Variants in RXFP2 observed in about 807,000 individuals in gnomAD.
The protein encoded by RXFP2 is relaxin receptor 2.
In RXFP2, 68 loss-of-function variants were observed where a neutral mutation model predicts 88.6. The observed-to-expected ratio is 0.77, with a 90% confidence interval of 0.63 to 0.94. The LOEUF is 0.94. Among genes scored for constraint, RXFP2 ranks in the 40% least tolerant of loss-of-function variants. RXFP2 has a pLI of 0.00. For missense variants in RXFP2, 791 were observed against 893.9 expected, an observed-to-expected ratio of 0.88 and a Z score of 1.47; for synonymous variants, 329 against 306.8, an observed-to-expected ratio of 1.07 and a Z score of -0.76.
chr13:31,778,448 TAAAA>T (rs1292734574), intron 8 of RXFP2, 60 bp from the exon 9 acceptor site: 43 of 1,141,330 alleles, frequency 3.8e-5, no homozygotes, highest in Non-Finnish European at 5.4e-5. Context: ...TTTAAAATAA[TAAAA>T]AGACTGTCCT....
At chr13:31,786,519 T>C (rs756260959) in intron 12 of RXFP2, 47 bp from the exon 13 acceptor site, 1 of 1,535,830 alleles carries the variant, frequency 6.5e-7, no homozygotes, top group Non-Finnish European at 9.0e-7. Flanking sequence ...AAAATAATAA[T>C]ACCTTCAAAC....
chr13:31,746,724 A>G (rs1291016435), intron 1 of RXFP2, among the ~76,000 whole-genome samples: 5 of 112,070 alleles, frequency 4.5e-5, no homozygotes, highest in Admixed American at 1.7e-4. Flanking sequence ...TGTTATTCAC[A>G]CCTTGCCTGG....
intron 3 of RXFP2, among the ~76,000 whole-genome samples, chr13:31,764,481 T>A (rs1292787363): frequency 6.6e-6 from 1 of 152,144 alleles, no homozygotes; most frequent in Non-Finnish European, 1.5e-5. Flanking sequence ...ACTTTCAACC[T>A]CATAGTAATA....
rs1449386932 is a variant in RXFP2 at position 31,739,725 on chromosome 13, C to T, written c.94+19C>T. On this transcript the variant is annotated intron_variant, in intron 1 of 17. Transcript: ENST00000298386. ...GTCAAAGGTAAGGTTGCTACTTTCT[C>T]GTTTTAAATGAGTGCAATTCCCAAA... The T allele has an allele frequency of 2.7e-6, 4 of 1,489,762 alleles. No individual in the cohort carries two copies. Among genetic ancestry groups the T allele is most frequent in the Non-Finnish European group, 3.7e-6 (4 of 1,066,964 alleles). 92.3% of individuals were successfully genotyped at this position (1,489,762 alleles called of 1,614,324 possible). A position where few individuals can be genotyped will look rare whatever the true frequency, so the allele number is the denominator to read the frequency against.
chr13:31,769,735 A>T (rs1459810170), intron 5 of RXFP2, among the ~76,000 whole-genome samples: 1 of 152,200 alleles, frequency 6.6e-6, no homozygotes, highest in Non-Finnish European at 1.5e-5. Context: ...TGTTGCTGCT[A>T]AGTGATGTGT....
chr13:31,766,457 G>T (rs1375920491), intron 5 of RXFP2, among the ~76,000 whole-genome samples: 1 of 152,104 alleles, frequency 6.6e-6, no homozygotes, highest in Non-Finnish European at 1.5e-5. Context: ...GAAAACACAG[G>T]AGTTATGCAA....
At chr13:31,756,590 C>A (rs904864509) in intron 1 of RXFP2, among the ~76,000 whole-genome samples, 3 of 151,264 alleles carry the variant, frequency 2.0e-5, no homozygotes, top group Admixed American at 1.3e-4. Flanking sequence ...TGTGTCTACA[C>A]TCTCCTTAAA....
At chr13:31,762,606 G>T (rs945831804) in intron 3 of RXFP2, among the ~76,000 whole-genome samples, 8 of 151,888 alleles carry the variant, frequency 5.3e-5, no homozygotes, top group African/African-American at 1.9e-4. Context: ...TTAGGAAGAT[G>T]AATGTACAAT....
At chr13:31,741,323 C>T (rs1871217856) in intron 1 of RXFP2, among the ~76,000 whole-genome samples, 1 of 151,976 alleles carries the variant, frequency 6.6e-6, no homozygotes, top group Non-Finnish European at 1.5e-5. Context: ...TTACTTTTGA[C>T]TACTAATTTA....
rs1320680876 is a variant in RXFP2 at position 31,792,899 on chromosome 13, C to T, written c.1597C>T (p.Pro533Ser). 1 of 1,614,080 alleles carries T rather than the reference C, an allele frequency of 6.2e-7. No individual in the cohort carries two copies. Among genetic ancestry groups the T allele is most frequent in the Non-Finnish European group, 8.5e-7 (1 of 1,180,006 alleles). ...TGTCTTCCCCTTCAGTAACATTCGA[C>T]CTGGAAAACGGCAGACCTCAGTCAT... ...VIVFPFSNIRPGKRQTSVILI... is the reference protein window; with the variant it reads ...VIVFPFSNIRSGKRQTSVILI... The change falls in exon 16 of 18, where the codon CCT becomes TCT. Residue 533 changes from proline (P) to serine (S), a missense_variant. Physicochemically the swap from Pro to Ser is moderately conservative, Grantham distance 74. Coordinates refer to ENST00000298386, the MANE Select transcript of RXFP2 (RefSeq NM_130806.5).
chr13:31,775,868 CTG>C lies in RXFP2; in HGVS notation c.641+482_641+483del, dbSNP rs565176698. 4.1e-3 allele frequency among the ~76,000 whole-genome samples: 625 copies of C among 152,364 alleles called. 5 individuals are homozygous for C. Among genetic ancestry groups the C allele is most frequent in the African/African-American group, 0.015 (608 of 41,582 alleles). On this transcript the variant is annotated intron_variant, in intron 7 of 17. Coordinates refer to ENST00000298386, the MANE Select transcript of RXFP2 (RefSeq NM_130806.5). ...TTCCAAGAAACCTCACGTCAGATGT[CTG>C]TGCTTTCACCAGGAAAATACACAAG...
chr13:31,783,116 A>G (rs533421707), intron 11 of RXFP2, among the ~76,000 whole-genome samples: 2 of 152,344 alleles, frequency 1.3e-5, no homozygotes, highest in African/African-American at 4.8e-5. Context: ...ACTAACTGAA[A>G]TAATATTAAT....
In RXFP2 at chr13:31,786,356, G is replaced by T. The variant is rs765830147; in HGVS notation, c.930-27G>T. On this transcript the variant is annotated intron_variant, in intron 11 of 17. Coordinates refer to ENST00000298386, the MANE Select transcript of RXFP2 (RefSeq NM_130806.5). ...TCTGTCATTTACTTCCAAAGTAATT[G>T]CTTTGGGTTTTCATTGTCGTCAACA... 2.8e-6 allele frequency: 4 copies of T among 1,450,700 alleles called. No homozygotes were observed. The East Asian group carries it at 6.8e-5, about 25-fold the overall frequency. The allele number at this position is 1,450,700 out of a possible 1,614,324, so 89.9% of individuals were successfully genotyped here. A position where few individuals can be genotyped will look rare whatever the true frequency, so the allele number is the denominator to read the frequency against.
chr13:31,784,907 A>C (rs951236861), intron 11 of RXFP2, among the ~76,000 whole-genome samples: 4 of 152,152 alleles, frequency 2.6e-5, no homozygotes, highest in African/African-American at 9.7e-5. Flanking sequence ...TCCATGTAGA[A>C]GCTCCTGCCT....
intron 9 of RXFP2, 103 bp downstream of exon 9, chr13:31,778,686 C>A: frequency 1.1e-6 from 1 of 893,602 alleles, no homozygotes. Flanking sequence ...TAATTTCTTT[C>A]CAAAATCAAA....
intron 5 of RXFP2, among the ~76,000 whole-genome samples, chr13:31,770,214 C>T (rs987135240): frequency 6.6e-6 from 1 of 152,204 alleles, no homozygotes; most frequent in African/African-American, 2.4e-5. Flanking sequence ...GCATCATATT[C>T]ACCTGTTCTA....
At position 31,780,200 on chromosome 13, in the gene RXFP2, C is replaced by T. The variant is rs183899244; in HGVS notation, c.786-1471C>T. Among the ~76,000 whole-genome samples, 207 of 152,204 alleles carry T rather than the reference C, an allele frequency of 1.4e-3. 1 individual carries two copies. The highest frequency in any genetic ancestry group is 4.7e-3 in the African/African-American group (194 of 41,528). Reference sequence around the variant, plus strand: ...GGAAAAAATAGACACACAATAAAAACGCACAGGTAGCAAGACAGCCTGATT... The same window carrying T: ...GGAAAAAATAGACACACAATAAAAATGCACAGGTAGCAAGACAGCCTGATT... On this transcript the variant is annotated intron_variant, in intron 9 of 17. Coordinates refer to ENST00000298386, the MANE Select transcript of RXFP2 (RefSeq NM_130806.5).
intron 1 of RXFP2, among the ~76,000 whole-genome samples, chr13:31,755,273 ATG>A (rs1317236828): frequency 6.6e-6 from 1 of 152,206 alleles, no homozygotes; most frequent in Non-Finnish European, 1.5e-5. Context: ...ACTTAGAGGC[ATG>A]TGATCCCTTC....
At chr13:31,776,430 T>A (rs549381492) in intron 7 of RXFP2, among the ~76,000 whole-genome samples, 1 of 151,696 alleles carries the variant, frequency 6.6e-6, no homozygotes, top group East Asian at 1.9e-4. Context: ...GAATTTTTTG[T>A]ATTTTTAGTA....
Sources: allele counts gnomAD v4.1 joint callset (sites outside exome capture counted in the v4.1 genomes callset), GRCh38; gene constraint gnomAD v4.1.1; transcripts MANE v1.5; gene names NCBI Gene and HGNC (gene_info 2026-07-23, HGNC 2026-07-21).